ZNF680: variants seen among roughly 807,000 people sequenced by gnomAD.
The protein encoded by ZNF680 is zinc finger protein 680.
In ZNF680, 6 loss-of-function variants were observed where a neutral mutation model predicts 12.1. The ratio of observed to expected loss-of-function variants is 0.49; its 90% CI spans 0.27 to 0.98. The LOEUF (loss-of-function observed/expected upper bound fraction) is 0.98, where lower values mean the gene tolerates loss of function less well. Ranked by LOEUF, ZNF680 falls within the 50% of genes least tolerant of loss-of-function variation. The pLI is 0.12. For missense variants in ZNF680, 561 were observed against 616.3 expected (o/e 0.91, Z 0.95); for synonymous variants, 170 against 199.3 (o/e 0.85, Z 1.24).
At position 64,522,634 on chromosome 7, in the gene ZNF680, TAA is replaced by T. The variant is rs34852861; in HGVS notation, c.254-136_254-135del. 3.0e-3 allele frequency: 1,546 copies of T among 519,288 alleles called. 2 individuals are homozygous for T. The highest frequency in any genetic ancestry group is 0.018 in the East Asian group (446 of 24,566). 32.2% of individuals were successfully genotyped at this position (519,288 alleles called of 1,614,324 possible). A position where few individuals can be genotyped will look rare whatever the true frequency, so the allele number is the denominator to read the frequency against. ...TAAATAACTAAAAAATCCTAAAAGT[TAA>T]AAAAAAAAAAAGTTATGTACAAATG... On this transcript the variant is annotated intron_variant, in intron 3 of 3. Transcript: ENST00000309683.
chr7:64,521,918 G>A lies in ZNF680; in HGVS notation c.836C>T (p.Ser279Leu). 1 of 1,613,150 alleles carries A rather than the reference G, an allele frequency of 6.2e-7. No homozygotes were observed. Among genetic ancestry groups the A allele is most frequent in the Non-Finnish European group, 8.5e-7 (1 of 1,179,614 alleles). ...AATTATCTTATGTTTACTAAGGATT[G>A]AGAATAAACTAAAGGCTTTGCCACA... ...EECGKAFSLF[S>L]ILSKHKIIHT... The change falls in exon 4 of 4, where the codon TCA becomes TTA. Residue 279 changes from serine (S) to leucine (L), a missense_variant. Ser to Leu is a moderately radical substitution (Grantham distance 145). Coordinates refer to ENST00000309683, the MANE Select transcript of ZNF680 (RefSeq NM_178558.5).
At chr7:64,557,611 G>A (rs942504908) in intron 1 of ZNF680, among the ~76,000 whole-genome samples, 1 of 151,984 alleles carries the variant, frequency 6.6e-6, no homozygotes, top group Admixed American at 6.6e-5. Flanking sequence ...AAAAAGGCCG[G>A]GTGCAATGGC....
chr7:64,542,030 A>C (rs1465291520), intron 3 of ZNF680, among the ~76,000 whole-genome samples: 3 of 152,138 alleles, frequency 2.0e-5, no homozygotes, highest in African/African-American at 7.2e-5. Flanking sequence ...AATTACAAAA[A>C]CCTGCCCTAC....
At chr7:64,499,199 T>A in the ZNF680 span, among the ~76,000 whole-genome samples, 1 of 152,246 alleles carries the variant, frequency 6.6e-6, no homozygotes, top group South Asian at 2.1e-4. Context: ...TTCTTATTTT[T>A]AAATATTTAC....
intron 1 of ZNF680, chr7:64,551,884 TTC>T (rs1423932697): frequency 6.6e-6 from 1 of 152,188 alleles, no homozygotes; most frequent in Non-Finnish European, 1.5e-5. Context: ...TATAAAATAT[TTC>T]TCTCTAAATA....
chr7:64,553,098 C>A (rs1478464007), intron 1 of ZNF680, among the ~76,000 whole-genome samples: 7 of 148,070 alleles, frequency 4.7e-5, no homozygotes, highest in Middle Eastern at 3.5e-3. Context: ...GCACTCCAGC[C>A]TGGGGGACAA....
intron 3 of ZNF680, among the ~76,000 whole-genome samples, chr7:64,538,054 C>A (rs1164733902): frequency 6.6e-6 from 1 of 151,782 alleles, no homozygotes; most frequent in Non-Finnish European, 1.5e-5. Flanking sequence ...ATAATCTTTT[C>A]AAAAAAATAA....
At chr7:64,534,915 C>T (rs905723278) in intron 3 of ZNF680, among the ~76,000 whole-genome samples, 2 of 145,228 alleles carry the variant, frequency 1.4e-5, no homozygotes, top group African/African-American at 5.1e-5. Context: ...AATGGAAAAC[C>T]AAACATTGTA....
chr7:64,511,159 A>T, the ZNF680 span, among the ~76,000 whole-genome samples: 1 of 151,618 alleles, frequency 6.6e-6, no homozygotes, highest in African/African-American at 2.4e-5. Flanking sequence ...AATCCCAGCT[A>T]CTTGGGAGGC....
chr7:64,530,491 CA>C (rs1241457660), intron 3 of ZNF680, among the ~76,000 whole-genome samples: 1 of 152,018 alleles, frequency 6.6e-6, no homozygotes, highest in Non-Finnish European at 1.5e-5. Flanking sequence ...AAATGGACAC[CA>C]AAAGTGAGCA....
Position 64,535,390 on chromosome 7 carries a change from G to A in ZNF680, c.253+8317C>T, listed in dbSNP as rs1786106081. On this transcript the variant is annotated intron_variant, in intron 3 of 3. Transcript: ENST00000309683. ...AGAAAGAACAAAAGAAAGAAAAGAA[G>A]GAAGGAAGGAAAGAAGGAAAGAAGG... Among the ~76,000 whole-genome samples the A allele has an allele frequency of 2.1e-5, 3 of 145,316 alleles. No individual in the cohort carries two copies. In the South Asian group the frequency reaches 6.8e-4, roughly 33 times the overall value.
chr7:64,536,466 T>C (rs998524722), intron 3 of ZNF680, among the ~76,000 whole-genome samples: 7 of 152,190 alleles, frequency 4.6e-5, no homozygotes, highest in African/African-American at 1.7e-4. Flanking sequence ...AGGAAACACG[T>C]TCTTTTAATG....
intron 1 of ZNF680, among the ~76,000 whole-genome samples, chr7:64,549,348 A>G (rs779884390): frequency 1.1e-4 from 17 of 152,176 alleles, no homozygotes; most frequent in Non-Finnish European, 2.1e-4. Flanking sequence ...ATGAGATTCT[A>G]TGTATACCTG....
At chr7:64,501,033 G>A in the ZNF680 span, 1 of 718,432 alleles carries the variant, frequency 1.4e-6, no homozygotes, top group South Asian at 1.5e-5. Flanking sequence ...GTAGAAGAGA[G>A]AAGGGCAGAA....
intron 3 of ZNF680, among the ~76,000 whole-genome samples, chr7:64,542,256 C>A (rs1786545823): frequency 6.6e-6 from 1 of 152,144 alleles, no homozygotes; most frequent in Non-Finnish European, 1.5e-5. Flanking sequence ...CCTTCTAAAC[C>A]AGTTTATAAA....
intron 3 of ZNF680, chr7:64,526,449 G>A: frequency 6.9e-7 from 1 of 1,455,786 alleles, no homozygotes; most frequent in Non-Finnish European, 9.3e-7. Flanking sequence ...CACATCTTTA[G>A]GGAGGCCAAG....
intron 3 of ZNF680, chr7:64,526,036 T>G: frequency 2.0e-6 from 2 of 980,874 alleles, no homozygotes; most frequent in Non-Finnish European, 2.4e-6. Flanking sequence ...TAATATAAAC[T>G]AAAAAACCAA....
the ZNF680 span, chr7:64,500,890 T>A: frequency 1.7e-6 from 1 of 577,838 alleles, no homozygotes; most frequent in South Asian, 1.5e-5. Context: ...TCACTGGAAA[T>A]CTCAACACTC....
intron 1 of ZNF680, among the ~76,000 whole-genome samples, chr7:64,545,797 T>C (rs1266436531): frequency 6.6e-6 from 1 of 152,218 alleles, no homozygotes; most frequent in Non-Finnish European, 1.5e-5. Flanking sequence ...TCTTGATCCT[T>C]TTCTGTATAG....
Sources: allele counts gnomAD v4.1 joint callset (sites outside exome capture counted in the v4.1 genomes callset), GRCh38; gene constraint gnomAD v4.1.1; transcripts MANE v1.5; gene names NCBI Gene and HGNC (gene_info 2026-07-23, HGNC 2026-07-21).